The following LIPC variants were observed in gnomAD, a reference collection of about 807,000 sequenced individuals.
LIPC encodes lipase C, hepatic type.
Under a neutral mutation model 50.7 loss-of-function variants are expected in LIPC, and 44 were observed. That is an observed-to-expected ratio of 0.87 (90% CI 0.68 to 1.11). The LOEUF (loss-of-function observed/expected upper bound fraction) is 1.11. Among genes scored for constraint, LIPC ranks in the 50% most tolerant of loss-of-function variants. The probability of loss-of-function intolerance (pLI) is 0.00; values close to 1 mark genes in which losing one functional copy is unlikely to be tolerated. For synonymous variants in LIPC, 271 were observed against 256.4 expected (o/e 1.06, Z -0.54); for missense variants, 697 against 648.2 (o/e 1.08, Z -0.82).
At chr15:58,548,032 G>A (rs1425704613) in intron 5 of LIPC, among the ~76,000 whole-genome samples, 2 of 152,106 alleles carry the variant, frequency 1.3e-5, no homozygotes, top group Non-Finnish European at 2.9e-5. Context: ...TCTTTCCTTA[G>A]TGACTTGGGT....
At chr15:58,524,283 A>T (rs1892738995) in intron 1 of LIPC, among the ~76,000 whole-genome samples, 1 of 152,350 alleles carries the variant, frequency 6.6e-6, no homozygotes, top group South Asian at 2.1e-4. Flanking sequence ...GTGTTTCTTT[A>T]GTCAAGCTGC....
intron 1 of LIPC, among the ~76,000 whole-genome samples, chr15:58,531,408 T>G (rs1487760790): frequency 2.6e-5 from 4 of 152,148 alleles, no homozygotes; most frequent in African/African-American, 9.7e-5. Context: ...CGGAAAGCTC[T>G]TCTGAATGGC....
Position 58,563,631 on chromosome 15 carries a change from G to A in LIPC, c.1296G>A (p.Thr432=), listed in dbSNP as rs115544443. 697 of 1,614,188 alleles carry A rather than the reference G, an allele frequency of 4.3e-4. 3 individuals carry two copies. In the African/African-American group the frequency reaches 8.2e-3, roughly 19 times the overall value. The change falls in exon 8 of 9, where the codon ACG becomes ACA. Residue 432 remains threonine, a synonymous_variant. Transcript: ENST00000299022. The part of the protein sequence containing the change: ...NSAVWANVWD[T]VQTIIPWSTG... ...CAGTGTGGGCCAATGTCTGGGACACGGTCCAGACCATCATCCCATGGAGCA... is the reference window on the plus strand; with the variant it reads ...CAGTGTGGGCCAATGTCTGGGACACAGTCCAGACCATCATCCCATGGAGCA...
chr15:58,544,971 CACA>C (rs1430215361), intron 4 of LIPC, among the ~76,000 whole-genome samples: 2 of 152,212 alleles, frequency 1.3e-5, no homozygotes, highest in African/African-American at 4.8e-5. Context: ...CCTACTTGCA[CACA>C]ACATTTTCAC....
At chr15:58,504,133 A>G (rs1406870170) in intron 1 of LIPC, among the ~76,000 whole-genome samples, 8 of 152,228 alleles carry the variant, frequency 5.3e-5, no homozygotes, top group Admixed American at 1.3e-4. Context: ...GTGCAGGGCC[A>G]CAGGGCACCC....
At chr15:58,498,786 A>G (rs1200306314) in intron 1 of LIPC, 2 of 152,258 alleles carry the variant, frequency 1.3e-5, no homozygotes, top group Non-Finnish European at 2.9e-5. Context: ...CTAGCTCTGC[A>G]GTAACTTCAG....
chr15:58,540,163 T>A (rs767130269), intron 2 of LIPC, among the ~76,000 whole-genome samples: 1 of 152,144 alleles, frequency 6.6e-6, no homozygotes, highest in Admixed American at 6.5e-5. Context: ...AATGAATGAG[T>A]CTTGTTTATA....
chr15:58,452,097 T>A (rs1355145219), intron 1 of LIPC, among the ~76,000 whole-genome samples: 4 of 152,228 alleles, frequency 2.6e-5, no homozygotes, highest in African/African-American at 7.2e-5. Context: ...TTTTCAAGGC[T>A]GTGTATGTTG....
chr15:58,483,515 C>T (rs1325732181), intron 1 of LIPC, among the ~76,000 whole-genome samples: 3 of 152,194 alleles, frequency 2.0e-5, no homozygotes, highest in African/African-American at 7.2e-5. Context: ...GAGGAGGCTG[C>T]TGTGAGGGTA....
At chr15:58,470,159 T>C (rs1224595144) in intron 1 of LIPC, among the ~76,000 whole-genome samples, 1 of 152,162 alleles carries the variant, frequency 6.6e-6, no homozygotes, top group African/African-American at 2.4e-5. Context: ...CTCAAATTCA[T>C]GGCCTCAAAC....
chr15:58,463,109 C>T (rs1894415166), intron 1 of LIPC, among the ~76,000 whole-genome samples: 1 of 152,320 alleles, frequency 6.6e-6, no homozygotes, highest in East Asian at 1.9e-4. Flanking sequence ...CAGCCAAGGG[C>T]CAGCTCCCCA....
At chr15:58,560,363 A>G (rs1490917857) in intron 6 of LIPC, among the ~76,000 whole-genome samples, 8 of 152,218 alleles carry the variant, frequency 5.3e-5, no homozygotes, top group Admixed American at 5.2e-4. Context: ...GCCCCGGAAT[A>G]TAAACGCTTG....
intron 1 of LIPC, among the ~76,000 whole-genome samples, chr15:58,470,597 C>CTTTTTTTT (rs5812936): frequency 7.3e-5 from 10 of 136,304 alleles, no homozygotes; most frequent in Non-Finnish European, 9.5e-5. Context: ...CATTTAACTC[C>CTTTTTTTT]TTTTTTTTTT....
At chr15:58,468,251 A>T (rs1460584006) in intron 1 of LIPC, among the ~76,000 whole-genome samples, 1 of 152,068 alleles carries the variant, frequency 6.6e-6, no homozygotes, top group Non-Finnish European at 1.5e-5. Flanking sequence ...CACCTCCCAG[A>T]CCCTTGCTCT....
At position 58,545,778 on chromosome 15, in the gene LIPC, C is replaced by T. The variant is rs766977535; in HGVS notation, c.611C>T (p.Ala204Val). The T allele has an allele frequency of 5.0e-6, 8 of 1,614,010 alleles. No individual in the cohort carries two copies. The highest frequency in any genetic ancestry group is 4.0e-5 in the African/African-American group (3 of 74,928). Residue 204 changes from alanine to valine, a missense_variant, in exon 5 of 9, where the codon GCC becomes GTC. Ala to Val is a moderately conservative substitution (Grantham distance 64). Transcript: ENST00000299022. ...GCGGGACCTTTGTTTGAGGGAAGTG[C>T]CCCCAGCAATCGTCTTTCTCCAGAT... ...DAAGPLFEGSAPSNRLSPDDA... is the reference protein window; with the variant it reads ...DAAGPLFEGSVPSNRLSPDDA...
At chr15:58,539,752 A>G (rs1267735106) in intron 2 of LIPC, among the ~76,000 whole-genome samples, 3 of 152,104 alleles carry the variant, frequency 2.0e-5, no homozygotes, top group African/African-American at 4.8e-5. Flanking sequence ...TTGTATTAAT[A>G]GCTTCCTCCA....
At chr15:58,563,438 T>C (rs1466979035) in intron 7 of LIPC, 67 bp from the exon 8 acceptor site, 6 of 1,303,872 alleles carry the variant, frequency 4.6e-6, no homozygotes, top group Admixed American at 3.4e-5. Flanking sequence ...ACATCCTGAA[T>C]GTGTGTGACC....
At chr15:58,552,391 G>A (rs1249378314) in intron 6 of LIPC, among the ~76,000 whole-genome samples, 3 of 152,204 alleles carry the variant, frequency 2.0e-5, no homozygotes, top group African/African-American at 4.8e-5. Flanking sequence ...CCTCGGCGTA[G>A]GACCAAGGCC....
At chr15:58,520,484 G>A (rs1480781441) in intron 1 of LIPC, among the ~76,000 whole-genome samples, 3 of 152,126 alleles carry the variant, frequency 2.0e-5, no homozygotes, top group Non-Finnish European at 4.4e-5. Context: ...AAAGCAGGGA[G>A]GACTAGCCTT....
Sources: allele counts gnomAD v4.1 joint callset (sites outside exome capture counted in the v4.1 genomes callset), GRCh38; gene constraint gnomAD v4.1.1; transcripts MANE v1.5; gene names NCBI Gene and HGNC (gene_info 2026-07-23, HGNC 2026-07-21).